The following PRADC1 variants were observed in gnomAD, a reference collection of about 807,000 sequenced individuals.
PRADC1 encodes the protein protease-associated domain-containing protein 1.
Under a neutral mutation model 22.9 loss-of-function variants are expected in PRADC1, and 23 were observed. The ratio of observed to expected loss-of-function variants is 1.00; its 90% CI spans 0.72 to 1.42. The LOEUF is 1.42. Among genes scored for constraint, PRADC1 ranks in the 40% most tolerant of loss-of-function variants. PRADC1 has a pLI of 0.00. For synonymous variants in PRADC1, 71 were observed against 100.3 expected, an observed-to-expected ratio of 0.71 and a Z score of 1.75; for missense variants, 207 against 258.3, an observed-to-expected ratio of 0.80 and a Z score of 1.36.
intron 2 of PRADC1, 170 bp downstream of exon 2, chr2:73,229,943 C>T: frequency 1.6e-6 from 1 of 616,658 alleles, no homozygotes; most frequent in South Asian, 1.9e-5. Context: ...ATATTATACT[C>T]AGGGGAGTAG....
Position 73,228,250 on chromosome 2 carries a change from G to T in PRADC1, c.*204C>A. 2 of 608,104 alleles carry T rather than the reference G, an allele frequency of 3.3e-6. No individual in the cohort carries two copies. The highest frequency in any genetic ancestry group is 5.6e-6 in the Non-Finnish European group (2 of 354,194). 37.7% of individuals were successfully genotyped at this position (608,104 alleles called of 1,614,324 possible). The stretch of plus-strand genomic sequence containing the variant: ...TGGGGCCTGTCTCTTGCCTCTTCTT[G>T]TAGCATGAGACACCCTTGGGGGCCC... On this transcript the variant is annotated 3_prime_UTR_variant, in exon 5 of 5. Transcript: ENST00000258083. This position sits in a 1 kb window ranked among gnomAD's most constrained non-coding sequence, Gnocchi z 4.0.
At chr2:73,232,694 G>T (rs964483293) in intron 1 of PRADC1, among the ~76,000 whole-genome samples, 2 of 152,242 alleles carry the variant, frequency 1.3e-5, no homozygotes, top group African/African-American at 4.8e-5. Flanking sequence ...ATGTGCTTGT[G>T]TAGGTGTAAA....
chr2:73,229,102 A>G (rs960183186), intron 3 of PRADC1, 140 bp from the exon 4 acceptor site: 1 of 777,636 alleles, frequency 1.3e-6, no homozygotes, highest in Non-Finnish European at 2.0e-6. Flanking sequence ...AAGCATGGAT[A>G]ATTTAAATAC....
intron 1 of PRADC1, among the ~76,000 whole-genome samples, 160 bp downstream of exon 1, chr2:73,232,934 C>T (rs1275134031): frequency 3.9e-5 from 6 of 152,140 alleles, no homozygotes; most frequent in Non-Finnish European, 7.4e-5. Flanking sequence ...CACTTTATGT[C>T]CTTGGACCAC....
chr2:73,228,628 G>T lies in PRADC1; in HGVS notation c.447-54C>A. On this transcript the variant is annotated intron_variant, in intron 4 of 4. Transcript: ENST00000258083. The surrounding 1 kb of genome is among the most constrained non-coding windows in gnomAD (Gnocchi z 4.0). ...GGTCACTTTCTTGGTACCCCATCAT[G>T]CCCCACTGTCCCCATCAATCTGGGA... is the stretch of plus-strand genomic sequence containing the variant. 1 of 1,612,922 alleles carries T rather than the reference G, an allele frequency of 6.2e-7. No individual in the cohort carries two copies. The highest frequency in any genetic ancestry group is 8.5e-7 in the Non-Finnish European group (1 of 1,179,526).
intron 3 of PRADC1, 118 bp downstream of exon 3, chr2:73,229,342 TA>T (rs1210852463): frequency 2.6e-5 from 20 of 783,258 alleles, no homozygotes; most frequent in Non-Finnish European, 4.2e-5. Context: ...AGACATTTCT[TA>T]AAGACGCTTA....
rs1348382432 is a variant in PRADC1 at position 73,228,778 on chromosome 2, A to G, written c.446+17T>C. ...CCCAGCCTGGTGCTGATAAAGCCAGAGGCAAGGAGCCCTCACCCGTCTCGG... is the reference window on the plus strand; with the variant it reads ...CCCAGCCTGGTGCTGATAAAGCCAGGGGCAAGGAGCCCTCACCCGTCTCGG... On this transcript the variant is annotated intron_variant, in intron 4 of 4. Coordinates refer to ENST00000258083, the MANE Select transcript of PRADC1 (RefSeq NM_032319.3). This position sits in a 1 kb window ranked among gnomAD's most constrained non-coding sequence, Gnocchi z 4.0. The G allele has an allele frequency of 6.2e-7, 1 of 1,606,782 alleles. No individual in the cohort carries two copies. The highest frequency in any genetic ancestry group is 8.5e-7 in the Non-Finnish European group (1 of 1,175,300).
chr2:73,229,688 G>T (rs1686599017), intron 2 of PRADC1, 118 bp from the exon 3 acceptor site: 8 of 778,332 alleles, frequency 1.0e-5, no homozygotes, highest in Non-Finnish European at 1.7e-5. Context: ...ACATGGAGTG[G>T]TTTCTGTATC....
Position 73,228,898 on chromosome 2 carries a change from AGAT to A in PRADC1, c.340_342del (p.Ile114del), listed in dbSNP as rs746623770. On this transcript the variant is annotated inframe_deletion, in exon 4 of 5. Coordinates refer to ENST00000258083, the MANE Select transcript of PRADC1 (RefSeq NM_032319.3). The surrounding 1 kb of genome is among the most constrained non-coding windows in gnomAD (Gnocchi z 4.0). The stretch of plus-strand genomic sequence containing the variant: ...CTGTCATTGTCAACTGCGTTGTCAG[AGAT>A]GATCACCGCCCGCCCGCCGTGCTCC... 4 of 1,613,694 alleles carry A rather than the reference AGAT, an allele frequency of 2.5e-6. No homozygotes were observed. In the East Asian group the frequency reaches 8.9e-5, roughly 36 times the overall value.
At position 73,228,700 on chromosome 2, in the gene PRADC1, A is replaced by T; in HGVS notation, c.446+95T>A. On this transcript the variant is annotated intron_variant, in intron 4 of 4. Coordinates refer to ENST00000258083, the MANE Select transcript of PRADC1 (RefSeq NM_032319.3). The surrounding 1 kb of genome is among the most constrained non-coding windows in gnomAD (Gnocchi z 4.0). Reference sequence around the variant, plus strand: ...TTTTGCCCTCTAACTGAAGCACCCCAAGTTGAGGCCTGCAAGAAGGGACTG... The same window carrying T: ...TTTTGCCCTCTAACTGAAGCACCCCTAGTTGAGGCCTGCAAGAAGGGACTG... 1 of 1,584,018 alleles carries T rather than the reference A, an allele frequency of 6.3e-7. No individual in the cohort carries two copies.
chr2:73,230,823 C>A (rs901554969), intron 1 of PRADC1, among the ~76,000 whole-genome samples: 3 of 152,250 alleles, frequency 2.0e-5, no homozygotes, highest in Non-Finnish European at 2.9e-5. Context: ...CCTGGCCACT[C>A]TTCCAACCTC....
intron 1 of PRADC1, among the ~76,000 whole-genome samples, chr2:73,232,198 G>A (rs990921626): frequency 2.6e-5 from 4 of 152,076 alleles, no homozygotes; most frequent in Non-Finnish European, 5.9e-5. Context: ...TTAGCCGGGC[G>A]TGGTGGTGGG....
intron 2 of PRADC1, chr2:73,229,831 C>T (rs1377586889): frequency 6.8e-6 from 4 of 586,854 alleles, no homozygotes; most frequent in Non-Finnish European, 1.2e-5. Context: ...TGCCTTAAGT[C>T]ACATAGTTCA....
chr2:73,230,075 G>A, intron 2 of PRADC1, 38 bp downstream of exon 2: 1 of 1,384,212 alleles, frequency 7.2e-7, no homozygotes, highest in South Asian at 1.2e-5. Context: ...GGAAGGGGGA[G>A]GTTGAGGATC....
rs765227349 is a variant in PRADC1, at chr2:73,228,802, G to C, written c.439C>G (p.Arg147Gly). The C allele has an allele frequency of 6.2e-7, 1 of 1,611,552 alleles. No individual in the cohort carries two copies. The highest frequency in any genetic ancestry group is 1.1e-5 in the South Asian group (1 of 90,992). ...GAGGCAAGGAGCCCTCACCCGTCTCGGCCGAGCAGGAAGAGGGCGGGGATG... is the reference window on the plus strand; with the variant it reads ...GAGGCAAGGAGCCCTCACCCGTCTCCGCCGAGCAGGAAGAGGGCGGGGATG... Reference protein sequence around the residue: ...ADIPALFLLGRDGYMIRRSLE... With the variant: ...ADIPALFLLGGDGYMIRRSLE... The change falls in exon 4 of 5, where the codon CGA becomes GGA. Residue 147 changes from arginine (R) to glycine (G), a missense_variant. Arg to Gly is a moderately radical substitution (Grantham distance 125). Transcript: ENST00000258083. The surrounding 1 kb of genome is among the most constrained non-coding windows in gnomAD (Gnocchi z 4.0).
intron 2 of PRADC1, 91 bp from the exon 3 acceptor site, chr2:73,229,661 T>C (rs1686598692): frequency 1.0e-6 from 1 of 952,686 alleles, no homozygotes; most frequent in South Asian, 1.4e-5. Context: ...ATTGGCACCT[T>C]ATAAAGTGTG....
chr2:73,228,498 T>C lies in PRADC1; in HGVS notation c.523A>G (p.Ile175Val), dbSNP rs1273534978. Residue 175 changes from isoleucine (I) to valine (V), a missense_variant, in exon 5 of 5, where the codon ATC (isoleucine) becomes GTC (valine). By Grantham distance (29) the Ile-to-Val change is conservative (BLOSUM62 3). Transcript: ENST00000258083. This position sits in a 1 kb window ranked among gnomAD's most constrained non-coding sequence, Gnocchi z 4.0. Reference protein sequence around the residue: ...IISIPVNVTSIPTFELLQPPW... With the variant: ...IISIPVNVTSVPTFELLQPPW... The stretch of plus-strand genomic sequence containing the variant: ...GGTTGCAGCAGCTCAAAGGTGGGGA[T>C]GCTGGTGACATTGACTGGGATGGAA... The C allele has an allele frequency of 6.6e-5, 106 of 1,614,088 alleles. No individual in the cohort carries two copies. The highest frequency in any genetic ancestry group is 8.8e-5 in the Non-Finnish European group (104 of 1,180,048).
rs1163996607 is a variant in PRADC1 at position 73,233,128 on chromosome 2, G to T, written c.33C>A (p.Leu11=). The T allele has an allele frequency of 2.6e-6, 4 of 1,531,342 alleles. No individual in the cohort carries two copies. Among genetic ancestry groups the T allele is most frequent in the Admixed American group, 2.0e-5 (1 of 50,748 alleles). 94.9% of individuals were successfully genotyped at this position (1,531,342 alleles called of 1,614,324 possible). The change falls in exon 1 of 5, where the codon CTC becomes CTA. Residue 11 remains leucine, a synonymous_variant. Transcript: ENST00000258083. Reference sequence around the variant, plus strand: ...CGACGCACGCGGGGAGCCAGAGCACGAGACAACACCAGCCCGCGGCGCCGG... The same window carrying T: ...CGACGCACGCGGGGAGCCAGAGCACTAGACAACACCAGCCCGCGGCGCCGG... MVPGAAGWCC[L]VLWLPACVAA...
chr2:73,233,189 C>G lies in PRADC1; in HGVS notation c.-29G>C, dbSNP rs748932010. 1.1e-5 allele frequency: 15 copies of G among 1,318,896 alleles called. No homozygotes were observed. Among genetic ancestry groups the G allele is most frequent in the Admixed American group, 4.0e-5 (1 of 25,294 alleles). 81.7% of individuals were successfully genotyped at this position (1,318,896 alleles called of 1,614,324 possible). A position where few individuals can be genotyped will look rare whatever the true frequency, so the allele number is the denominator to read the frequency against. ...CAGGGCCGGGCCCGGCCCGGCGCCG[C>G]GTTTCCTCTCGCCGCCCCGCCGCGC... On this transcript the variant is annotated 5_prime_UTR_variant, in exon 1 of 5. Transcript: ENST00000258083.
Sources: gnomAD v4.1 joint callset for allele counts (sites outside exome capture counted in the v4.1 genomes callset) on GRCh38, gnomAD v4.1.1 for gene constraint, Gnocchi (gnomAD v3.1) non-coding constraint, MANE v1.5 for transcripts, NCBI Gene and HGNC (gene_info 2026-07-23, HGNC 2026-07-21) for gene names.